TENM2: variants seen among roughly 807,000 people sequenced by gnomAD.
The protein encoded by TENM2 is teneurin transmembrane protein 2.
TENM2 carries 52 observed loss-of-function variants against 245.2 expected under a neutral mutation model. The observed-to-expected ratio is 0.21, with a 90% CI of 0.17 to 0.27. The LOEUF (loss-of-function observed/expected upper bound fraction) is 0.27, where lower values mean the gene tolerates loss of function less well. Ranked by LOEUF, TENM2 falls within the 10% of genes least tolerant of loss-of-function variation. The pLI is 1.00. For missense variants in TENM2, 3,046 were observed against 3,666.8 expected (o/e 0.83, Z 4.37); for synonymous variants, 1,363 against 1,438.9 (o/e 0.95, Z 1.19).
chr5:167,786,531 T>C (rs1202655471), intron 2 of TENM2, among the ~76,000 whole-genome samples: 1 of 152,226 alleles, frequency 6.6e-6, no homozygotes, highest in Non-Finnish European at 1.5e-5. Context: ...ACTCCTAAGA[T>C]TGAATCTCAT....
chr5:167,034,562 G>A, the TENM2 span, among the ~76,000 whole-genome samples: 2 of 148,762 alleles, frequency 1.3e-5, no homozygotes, highest in Admixed American at 6.8e-5. Context: ...CCCGAGAGGC[G>A]GAGCTTGCAG....
At chr5:167,694,008 C>T (rs142002549) in intron 2 of TENM2, among the ~76,000 whole-genome samples, 62 of 152,286 alleles carry the variant, frequency 4.1e-4, no homozygotes, top group African/African-American at 1.2e-3. Flanking sequence ...ATTGAATGCA[C>T]TTTTCACAAT....
At chr5:167,211,925 T>G in the TENM2 span, among the ~76,000 whole-genome samples, 1 of 152,206 alleles carries the variant, frequency 6.6e-6, no homozygotes, top group Non-Finnish European at 1.5e-5. Context: ...CCCTATAAGA[T>G]GAATTATATT....
intron 2 of TENM2, among the ~76,000 whole-genome samples, chr5:167,699,735 C>G (rs1401214946): frequency 1.3e-5 from 2 of 152,214 alleles, no homozygotes; most frequent in East Asian, 3.9e-4. Flanking sequence ...GAGACACAGA[C>G]TGGCACTTAG....
At chr5:167,805,474 T>G (rs1766096266) in intron 2 of TENM2, among the ~76,000 whole-genome samples, 1 of 152,128 alleles carries the variant, frequency 6.6e-6, no homozygotes, top group South Asian at 2.1e-4. Flanking sequence ...GAGGGCACTT[T>G]GTTTCCTAGC....
At chr5:168,138,345 G>A (rs1755247126) in intron 12 of TENM2, among the ~76,000 whole-genome samples, 1 of 152,208 alleles carries the variant, frequency 6.6e-6, no homozygotes, top group African/African-American at 2.4e-5. Flanking sequence ...CTTAACATAT[G>A]CTTGCTACTC....
chr5:167,152,742 A>G, the TENM2 span, among the ~76,000 whole-genome samples: 10 of 152,334 alleles, frequency 6.6e-5, no homozygotes, highest in East Asian at 1.9e-3. Flanking sequence ...GGTAGTGTAT[A>G]AAGTGTGGAT....
chr5:166,987,456 G>C, the TENM2 span, among the ~76,000 whole-genome samples: 2 of 148,548 alleles, frequency 1.3e-5, no homozygotes, highest in Middle Eastern at 3.5e-3. Context: ...TGTGTGTTTA[G>C]AACTCCAAAT....
chr5:167,599,497 A>C (rs2127724246), intron 2 of TENM2, among the ~76,000 whole-genome samples: 1 of 152,292 alleles, frequency 6.6e-6, no homozygotes, highest in Admixed American at 6.5e-5. Context: ...TTTTCTATGG[A>C]TCAGTTTGAT....
intron 5 of TENM2, among the ~76,000 whole-genome samples, chr5:168,022,244 A>G (rs1334456572): frequency 6.6e-6 from 1 of 152,152 alleles, no homozygotes; most frequent in Non-Finnish European, 1.5e-5. Context: ...GCTCCTCTGG[A>G]GTTTTCTCTC....
intron 1 of TENM2, among the ~76,000 whole-genome samples, chr5:167,345,413 C>G (rs933446094): frequency 6.6e-6 from 1 of 152,188 alleles, no homozygotes; most frequent in African/African-American, 2.4e-5. Context: ...ACATCATTTA[C>G]GCACCCAGGG....
intron 4 of TENM2, among the ~76,000 whole-genome samples, chr5:167,959,264 G>C (rs374003229): frequency 6.7e-6 from 1 of 149,484 alleles, no homozygotes; most frequent in East Asian, 2.0e-4. Flanking sequence ...GCGCGATCTC[G>C]GCTCACTGCA....
chr5:167,587,100 G>A, intron 2 of TENM2, among the ~76,000 whole-genome samples: 1 of 152,114 alleles, frequency 6.6e-6, no homozygotes, highest in East Asian at 1.9e-4. Context: ...TTTCCAGTGG[G>A]CAGTGAATAT....
At chr5:167,749,073 T>A (rs1300431609) in intron 2 of TENM2, among the ~76,000 whole-genome samples, 1 of 152,110 alleles carries the variant, frequency 6.6e-6, no homozygotes, top group Non-Finnish European at 1.5e-5. Context: ...TCTTCATTTT[T>A]TTAAAAAATG....
At chr5:168,109,332 C>T (rs555511804) in intron 9 of TENM2, among the ~76,000 whole-genome samples, 6 of 152,286 alleles carry the variant, frequency 3.9e-5, no homozygotes, top group East Asian at 1.9e-4. Flanking sequence ...GAATCGCCAC[C>T]GCCTATTGAA....
intron 2 of TENM2, among the ~76,000 whole-genome samples, chr5:167,581,953 T>C (rs1206638275): frequency 6.6e-6 from 1 of 152,118 alleles, no homozygotes; most frequent in East Asian, 1.9e-4. Flanking sequence ...ACAAAGCCAT[T>C]GGAGCCCACA....
At chr5:168,026,999 C>T (rs139204096) in intron 5 of TENM2, among the ~76,000 whole-genome samples, 123 of 152,220 alleles carry the variant, frequency 8.1e-4, no homozygotes, top group African/African-American at 2.9e-3. Context: ...GGAATGGGAC[C>T]ATGTCAGCAA....
chr5:167,092,171 GA>G, the TENM2 span, among the ~76,000 whole-genome samples: 3 of 151,924 alleles, frequency 2.0e-5, no homozygotes, highest in African/African-American at 7.3e-5. Flanking sequence ...GTATGTGGTT[GA>G]AAAAAATCTA....
At chr5:167,261,553 C>G in the TENM2 span, among the ~76,000 whole-genome samples, 16,735 of 152,108 alleles carry the variant, frequency 0.11, 1,069 homozygotes, top group East Asian at 0.19. Flanking sequence ...CAGGTGAAGA[C>G]AGCAGCATGA....
Sources: allele counts gnomAD v4.1 joint callset (sites outside exome capture counted in the v4.1 genomes callset), GRCh38; gene constraint gnomAD v4.1.1; transcripts MANE v1.5; gene names NCBI Gene and HGNC (gene_info 2026-07-23, HGNC 2026-07-21).